Variants in ADARB2 observed in about 807,000 individuals in gnomAD.
The protein encoded by ADARB2 is inactive double-stranded RNA-specific editase B2.
Under a neutral mutation model 62.2 loss-of-function variants are expected in ADARB2, and 25 were observed. The observed-to-expected ratio is 0.40, with a 90% CI of 0.29 to 0.56. The LOEUF (loss-of-function observed/expected upper bound fraction) is 0.56, where lower values mean the gene tolerates loss of function less well. Among genes scored for constraint, ADARB2 ranks in the 20% least tolerant of loss-of-function variants. The pLI, the probability that ADARB2 is intolerant of heterozygous loss-of-function variation, is 0.43. For missense variants in ADARB2, 1,071 were observed against 1,077.4 expected, an observed-to-expected ratio of 0.99 and a Z score of 0.08; for synonymous variants, 572 against 500.8, an observed-to-expected ratio of 1.14 and a Z score of -1.90.
At chr10:1,254,148 G>A (rs1183876437) in intron 4 of ADARB2, among the ~76,000 whole-genome samples, 4 of 151,096 alleles carry the variant, frequency 2.6e-5, no homozygotes, top group African/African-American at 4.9e-5. Context: ...TGGTTAGAAT[G>A]CAGTGGGCTC....
At chr10:1,707,213 C>T (rs947651137) in intron 1 of ADARB2, among the ~76,000 whole-genome samples, 10 of 152,238 alleles carry the variant, frequency 6.6e-5, no homozygotes, top group East Asian at 3.8e-4. Flanking sequence ...ACCGCGGCCC[C>T]GATCTGCCCA....
At chr10:1,686,566 G>A (rs1337402439) in intron 1 of ADARB2, among the ~76,000 whole-genome samples, 6 of 152,238 alleles carry the variant, frequency 3.9e-5, no homozygotes, top group East Asian at 3.9e-4. Context: ...ACGTTCCCTC[G>A]TCACATGAGT....
At position 1,593,206 on chromosome 10, in the gene ADARB2, G is replaced by A. The variant is rs201711159; in HGVS notation, c.100+143845C>T. On this transcript the variant is annotated intron_variant, in intron 1 of 9. Coordinates refer to ENST00000381312, the MANE Select transcript of ADARB2 (RefSeq NM_018702.4). ...TCCCCTCTGTCACCCAGCTCCCTTC[G>A]CCCAAGCCACCCTCCATAGGTCTCC... 1.2e-3 allele frequency among the ~76,000 whole-genome samples: 91 copies of A among 78,752 alleles called. 1 individual carries two copies. The highest frequency in any genetic ancestry group is 4.7e-3 in the African/African-American group (78 of 16,438). 51.7% of individuals were successfully genotyped at this position (78,752 alleles called of 152,430 possible). A position where few individuals can be genotyped will look rare whatever the true frequency, so the allele number is the denominator to read the frequency against.
In ADARB2 at chr10:1,179,507, G is replaced by T. The variant is rs1260041190; in HGVS notation, c.*3686C>A. ...ACACACGGCTGCAAAACCGGGGCTGGAGGTGGACAGCGGAGGCTGCCTGGC... is the reference window on the plus strand; with the variant it reads ...ACACACGGCTGCAAAACCGGGGCTGTAGGTGGACAGCGGAGGCTGCCTGGC... On this transcript the variant is annotated 3_prime_UTR_variant, in exon 10 of 10. Coordinates refer to ENST00000381312, the MANE Select transcript of ADARB2 (RefSeq NM_018702.4). 1.3e-5 allele frequency: 2 copies of T among 152,258 alleles called. No individual in the cohort carries two copies. Among genetic ancestry groups the T allele is most frequent in the Non-Finnish European group, 2.9e-5 (2 of 68,050 alleles). 9.4% of individuals were successfully genotyped at this position (152,258 alleles called of 1,614,324 possible). A position where few individuals can be genotyped will look rare whatever the true frequency, so the allele number is the denominator to read the frequency against.
At chr10:1,379,530 A>G (rs1489608989) in intron 1 of ADARB2, among the ~76,000 whole-genome samples, 1 of 152,258 alleles carries the variant, frequency 6.6e-6, no homozygotes, top group Non-Finnish European at 1.5e-5. Flanking sequence ...TAAAACAAGT[A>G]AAACAATCTC....
intron 1 of ADARB2, among the ~76,000 whole-genome samples, chr10:1,386,398 CTT>C (rs762342650): frequency 2.2e-4 from 34 of 151,980 alleles, no homozygotes; most frequent in South Asian, 8.3e-4. Context: ...AAAAACAAAA[CTT>C]ATATTTTTTA....
chr10:1,293,202 A>AGGGAGGGAGGGAGGGAG (rs1564248767), intron 3 of ADARB2, among the ~76,000 whole-genome samples: 2 of 41,378 alleles, frequency 4.8e-5, no homozygotes, highest in Admixed American at 2.1e-4. Flanking sequence ...GAATAGAAAA[A>AGGGAGGGAGGGAGGGAG]AGAGGGAGGG....
At chr10:1,199,621 C>CCAGGTGGG (rs72464426) in intron 8 of ADARB2, 10 of 238,526 alleles carry the variant, frequency 4.2e-5, no homozygotes, top group Middle Eastern at 1.2e-3. Flanking sequence ...CTGTGGGCGG[C>CCAGGTGGG]CAGGTGGGCA....
chr10:1,366,113 A>T (rs1832311528), intron 2 of ADARB2, among the ~76,000 whole-genome samples: 1 of 152,182 alleles, frequency 6.6e-6, no homozygotes, highest in Non-Finnish European at 1.5e-5. Context: ...GGTAATAAAG[A>T]TCCAGTCCAG....
intron 1 of ADARB2, among the ~76,000 whole-genome samples, chr10:1,613,358 G>T (rs1333708735): frequency 6.6e-6 from 1 of 152,096 alleles, no homozygotes; most frequent in South Asian, 2.1e-4. Flanking sequence ...TTCTTCAATG[G>T]CATGTCTTTA....
At chr10:1,502,116 A>AC (rs1320411687) in intron 1 of ADARB2, among the ~76,000 whole-genome samples, 1 of 152,230 alleles carries the variant, frequency 6.6e-6, no homozygotes, top group Non-Finnish European at 1.5e-5. Flanking sequence ...CACAGTGTCC[A>AC]CCTGGGTGCC....
intron 3 of ADARB2, among the ~76,000 whole-genome samples, chr10:1,332,555 A>G (rs12267361): frequency 0.013 from 1,932 of 149,398 alleles, 50 homozygotes; most frequent in African/African-American, 0.045. Flanking sequence ...AAAGAATGGC[A>G]TATTTTTGAT....
At chr10:1,381,222 G>A (rs1338238249) in intron 1 of ADARB2, among the ~76,000 whole-genome samples, 1 of 152,026 alleles carries the variant, frequency 6.6e-6, no homozygotes, top group African/African-American at 2.4e-5. Context: ...CTTATTCATG[G>A]TTTGTCTGAA....
intron 3 of ADARB2, among the ~76,000 whole-genome samples, chr10:1,352,243 A>G (rs1194981918): frequency 2.6e-5 from 4 of 152,052 alleles, no homozygotes; most frequent in African/African-American, 9.7e-5. Flanking sequence ...CACCTTCTAC[A>G]AAACAACTCC....
intron 1 of ADARB2, among the ~76,000 whole-genome samples, chr10:1,631,094 A>G (rs1243049309): frequency 6.6e-6 from 1 of 152,202 alleles, no homozygotes; most frequent in Non-Finnish European, 1.5e-5. Flanking sequence ...GTGGCCTGTG[A>G]ACCAGTGCCC....
At chr10:1,484,332 G>A (rs1030647289) in intron 1 of ADARB2, among the ~76,000 whole-genome samples, 24 of 152,184 alleles carry the variant, frequency 1.6e-4, no homozygotes, top group African/African-American at 3.1e-4. Flanking sequence ...GCACCCTCAC[G>A]TTAAACACTC....
chr10:1,353,545 C>T (rs773305377), intron 3 of ADARB2, among the ~76,000 whole-genome samples: 1 of 152,150 alleles, frequency 6.6e-6, no homozygotes, highest in African/African-American at 2.4e-5. Flanking sequence ...ATCAGCAAGC[C>T]ACCGCCCTCC....
chr10:1,635,201 T>C (rs982898925), intron 1 of ADARB2, among the ~76,000 whole-genome samples: 5 of 152,252 alleles, frequency 3.3e-5, no homozygotes, highest in African/African-American at 1.2e-4. Context: ...ACAATTTTAA[T>C]AGGTTACCTT....
intron 3 of ADARB2, chr10:1,293,037 A>AGGAG (rs1831484283): frequency 1.5e-5 from 1 of 66,916 alleles, no homozygotes. Flanking sequence ...GGGACACAGG[A>AGGAG]AGAGATGCAG....
Sources: allele counts gnomAD v4.1 joint callset (sites outside exome capture counted in the v4.1 genomes callset), GRCh38; gene constraint gnomAD v4.1.1; transcripts MANE v1.5; gene names NCBI Gene and HGNC (gene_info 2026-07-23, HGNC 2026-07-21).